Variants in GSG1L observed in about 807,000 individuals in gnomAD.
GSG1L encodes the protein germ cell-specific gene 1-like protein.
GSG1L carries 24 observed loss-of-function variants against 42.1 expected under a neutral mutation model. The observed-to-expected ratio is 0.57, with a 90% CI of 0.41 to 0.80. The LOEUF is 0.80. Among genes scored for constraint, GSG1L ranks in the 30% least tolerant of loss-of-function variants. The pLI is 0.00. For synonymous variants in GSG1L, 215 were observed against 203.5 expected (o/e 1.06, Z -0.48); for missense variants, 445 against 472.2 (o/e 0.94, Z 0.53).
At chr16:28,026,646 T>C (rs181566784) in intron 1 of GSG1L, among the ~76,000 whole-genome samples, 1 of 152,320 alleles carries the variant, frequency 6.6e-6, no homozygotes, top group African/African-American at 2.4e-5. Flanking sequence ...CTTCGCATTC[T>C]GGGACCAGGC....
At chr16:27,812,248 C>T (rs1307888128) in intron 5 of GSG1L, among the ~76,000 whole-genome samples, 1 of 152,114 alleles carries the variant, frequency 6.6e-6, no homozygotes, top group Non-Finnish European at 1.5e-5. Flanking sequence ...CCCCTGCCCT[C>T]AAGGATCTCC....
At chr16:27,946,427 C>A (rs2084860507) in intron 2 of GSG1L, among the ~76,000 whole-genome samples, 1 of 151,552 alleles carries the variant, frequency 6.6e-6, no homozygotes, top group Non-Finnish European at 1.5e-5. Context: ...CACCTGTAAT[C>A]CCAGCTACTC....
chr16:27,881,251 T>A (rs912350603), intron 3 of GSG1L, among the ~76,000 whole-genome samples: 3 of 147,174 alleles, frequency 2.0e-5, no homozygotes, highest in African/African-American at 7.5e-5. Context: ...TTTTTTTTTT[T>A]TTTTTTTTGA....
chr16:27,869,578 A>AG (rs2083777863), intron 3 of GSG1L, among the ~76,000 whole-genome samples: 1 of 56,136 alleles, frequency 1.8e-5, no homozygotes. Flanking sequence ...TGTCTCCCTC[A>AG]CTCCCTCTCC....
intron 1 of GSG1L, among the ~76,000 whole-genome samples, chr16:28,003,364 G>A (rs1185302990): frequency 6.6e-6 from 1 of 152,186 alleles, no homozygotes; most frequent in Non-Finnish European, 1.5e-5. Flanking sequence ...CATGGGAGCT[G>A]GGCAACCTCT....
chr16:27,870,001 C>T (rs924106797), intron 3 of GSG1L, among the ~76,000 whole-genome samples: 5 of 147,162 alleles, frequency 3.4e-5, no homozygotes, highest in African/African-American at 1.3e-4. Context: ...CTGTCCATCT[C>T]TCTTTCCTTT....
chr16:27,836,237 C>A (rs1486075945), intron 4 of GSG1L, among the ~76,000 whole-genome samples: 1 of 151,124 alleles, frequency 6.6e-6, no homozygotes, highest in Non-Finnish European at 1.5e-5. Flanking sequence ...TGAATTTTTT[C>A]CCCTGTAGTT....
At chr16:27,829,018 A>G in intron 4 of GSG1L, 62 bp from the exon 5 acceptor site, 1 of 1,501,298 alleles carries the variant, frequency 6.7e-7, no homozygotes, top group South Asian at 1.2e-5. Flanking sequence ...GAAAAATCCC[A>G]CACCCACCAA....
intron 1 of GSG1L, among the ~76,000 whole-genome samples, chr16:28,016,097 T>G (rs73521056): frequency 0.04 from 6,091 of 152,186 alleles, 222 homozygotes; most frequent in African/African-American, 0.097. Flanking sequence ...TCAAGTGATT[T>G]TTACGTCTCA....
intron 2 of GSG1L, among the ~76,000 whole-genome samples, chr16:27,894,582 G>A (rs962710097): frequency 2.4e-4 from 37 of 152,242 alleles, no homozygotes; most frequent in African/African-American, 8.7e-4. Flanking sequence ...GTTGAATCAT[G>A]TAGATGATGT....
intron 2 of GSG1L, among the ~76,000 whole-genome samples, chr16:27,936,609 T>C (rs2084721186): frequency 6.6e-6 from 1 of 152,184 alleles, no homozygotes. Flanking sequence ...TAAGCCTCTA[T>C]TCATTGCAAA....
rs998007040 is a variant in GSG1L, at chr16:28,040,588, G to A, written c.349+22488C>T. Among the ~76,000 whole-genome samples the A allele has an allele frequency of 2.0e-5, 3 of 152,162 alleles. No homozygotes were observed. Among genetic ancestry groups the A allele is most frequent in the African/African-American group, 4.8e-5 (2 of 41,436 alleles). On this transcript the variant is annotated intron_variant, in intron 1 of 6. Transcript: ENST00000447459. The surrounding 1 kb of genome is among the most constrained non-coding windows in gnomAD (Gnocchi z 4.1). ...CTCAAAAAAAGTCTAATAAATGAAC[G>A]AATGAATGAAATGTCAAGGACGGAT...
intron 2 of GSG1L, among the ~76,000 whole-genome samples, chr16:27,958,411 T>TAAAAAAAA (rs767157230): frequency 8.5e-5 from 10 of 117,500 alleles, no homozygotes; most frequent in Non-Finnish European, 1.6e-4. Flanking sequence ...AGACTCCATC[T>TAAAAAAAA]AAAAAAAAAA....
At chr16:27,911,904 T>C (rs1295402354) in intron 2 of GSG1L, among the ~76,000 whole-genome samples, 2 of 152,228 alleles carry the variant, frequency 1.3e-5, no homozygotes, top group Non-Finnish European at 2.9e-5. Flanking sequence ...TTTGTTTCTC[T>C]CTTTGAGAGT....
intron 2 of GSG1L, among the ~76,000 whole-genome samples, chr16:27,948,126 C>G (rs1032188316): frequency 2.0e-5 from 3 of 152,152 alleles, no homozygotes; most frequent in Non-Finnish European, 4.4e-5. Context: ...TTTATTAGTT[C>G]ACCTGGGGAC....
At chr16:27,987,602 C>T (rs78578738) in intron 1 of GSG1L, among the ~76,000 whole-genome samples, 13 of 152,312 alleles carry the variant, frequency 8.5e-5, no homozygotes, top group Middle Eastern at 6.8e-3. Context: ...ATAGCCATCC[C>T]TGGGTGCCAC....
At chr16:27,910,990 G>A (rs913573851) in intron 2 of GSG1L, among the ~76,000 whole-genome samples, 4 of 152,068 alleles carry the variant, frequency 2.6e-5, no homozygotes, top group Non-Finnish European at 4.4e-5. Context: ...TCCAGCCTGG[G>A]TGACAGAGCA....
intron 5 of GSG1L, among the ~76,000 whole-genome samples, chr16:27,821,544 T>G (rs2083150678): frequency 6.6e-6 from 1 of 152,198 alleles, no homozygotes; most frequent in Admixed American, 6.5e-5. Flanking sequence ...TTTCTTTTTC[T>G]GTTTCTGCAA....
chr16:27,961,085 C>G (rs193187805), intron 2 of GSG1L, among the ~76,000 whole-genome samples: 1 of 152,180 alleles, frequency 6.6e-6, no homozygotes, highest in Admixed American at 6.6e-5. Flanking sequence ...GCACACAACC[C>G]GTATGTGCTC....
Sources: allele counts gnomAD v4.1 joint callset (sites outside exome capture counted in the v4.1 genomes callset), GRCh38; gene constraint gnomAD v4.1.1; non-coding constraint Gnocchi (gnomAD v3.1); transcripts MANE v1.5; gene names NCBI Gene and HGNC (gene_info 2026-07-23, HGNC 2026-07-21).